KDM2B: variants seen among roughly 807,000 people sequenced by gnomAD.
The protein encoded by KDM2B is lysine demethylase 2B.
Under a neutral mutation model 150.0 loss-of-function variants are expected in KDM2B, and 26 were observed. That is an observed-to-expected ratio of 0.17 (90% CI 0.13 to 0.24). KDM2B has a LOEUF of 0.24. Ranked by LOEUF, KDM2B falls within the 10% of genes least tolerant of loss-of-function variation. KDM2B has a pLI of 1.00. For missense variants in KDM2B, 1,265 were observed against 1,816.9 expected, an observed-to-expected ratio of 0.70 and a Z score of 5.52; for synonymous variants, 734 against 729.5, an observed-to-expected ratio of 1.01 and a Z score of -0.10.
intron 9 of KDM2B, chr12:121,516,412 ATT>A: frequency 3.0e-6 from 3 of 1,008,590 alleles, no homozygotes; most frequent in Admixed American, 2.8e-5. Flanking sequence ...TTATTTATTT[ATT>A]TTTTTTTCCA....
intron 12 of KDM2B, among the ~76,000 whole-genome samples, chr12:121,483,253 A>T (rs1470114006): frequency 6.6e-6 from 1 of 151,866 alleles, no homozygotes; most frequent in Non-Finnish European, 1.5e-5. Context: ...ACAGTGCAAG[A>T]CTCCGTCTCA....
At chr12:121,443,591 T>C in intron 17 of KDM2B, 89 bp downstream of exon 17, 2 of 787,050 alleles carry the variant, frequency 2.5e-6, no homozygotes, top group East Asian at 4.9e-5. Context: ...GAGGCAGCAG[T>C]GGGGTGGAGG....
At position 121,578,963 on chromosome 12, in the gene KDM2B, CAG is replaced by C; in HGVS notation, c.127-19_127-18del. On this transcript the variant is annotated intron_variant, in intron 1 of 22. Coordinates refer to ENST00000377071, the MANE Select transcript of KDM2B (RefSeq NM_032590.5). ...AATCGGGCGCTGCGAGGACCCAAAC[CAG>C]AGAGCCCGGGACATTATTGTGGGGG... 6.2e-7 allele frequency: 1 copy of C among 1,609,322 alleles called. No homozygotes were observed. Among genetic ancestry groups the C allele is most frequent in the East Asian group, 2.2e-5 (1 of 44,708 alleles).
At chr12:121,548,036 G>A (rs1294589521) in intron 6 of KDM2B, among the ~76,000 whole-genome samples, 2 of 152,116 alleles carry the variant, frequency 1.3e-5, no homozygotes, top group African/African-American at 4.8e-5. Context: ...AACATGGAGG[G>A]GCTCAAAGGT....
intron 6 of KDM2B, among the ~76,000 whole-genome samples, chr12:121,540,331 C>A (rs1424052364): frequency 6.6e-6 from 1 of 152,090 alleles, no homozygotes; most frequent in Non-Finnish European, 1.5e-5. Flanking sequence ...ACATATTACA[C>A]AGGGATGATC....
At chr12:121,486,678 C>A (rs559217181) in intron 12 of KDM2B, among the ~76,000 whole-genome samples, 28 of 152,066 alleles carry the variant, frequency 1.8e-4, no homozygotes, top group African/African-American at 5.5e-4. Context: ...CCCAGCTACT[C>A]GGGAGGCTGA....
intron 8 of KDM2B, among the ~76,000 whole-genome samples, chr12:121,524,411 C>T (rs1314474515): frequency 6.6e-6 from 1 of 152,180 alleles, no homozygotes; most frequent in Non-Finnish European, 1.5e-5. Context: ...TGCCCTGACA[C>T]GTGAGGAAAG....
At chr12:121,443,422 G>A (rs941178549) in intron 17 of KDM2B, 10 of 583,942 alleles carry the variant, frequency 1.7e-5, no homozygotes, top group South Asian at 1.0e-4. Flanking sequence ...GTGACAGCAC[G>A]GCCCGTGGGT....
chr12:121,558,392 C>A (rs1890054566), intron 4 of KDM2B, among the ~76,000 whole-genome samples: 1 of 151,836 alleles, frequency 6.6e-6, no homozygotes, highest in South Asian at 2.1e-4. Flanking sequence ...AGCCCTGGGA[C>A]AGCACGGCTC....
intron 13 of KDM2B, among the ~76,000 whole-genome samples, chr12:121,451,853 T>C (rs1178509264): frequency 1.3e-5 from 2 of 151,738 alleles, no homozygotes; most frequent in Admixed American, 1.3e-4. Flanking sequence ...CAGGGGTTGT[T>C]GTAAGCCAAG....
At position 121,430,018 on chromosome 12, in the gene KDM2B, T is replaced by G. The variant is rs782364200; in HGVS notation, c.*270A>C. 1 of 1,048,052 alleles carries G rather than the reference T, an allele frequency of 9.5e-7. No homozygotes were observed. Among genetic ancestry groups the G allele is most frequent in the East Asian group, 2.4e-5 (1 of 42,288 alleles). 64.9% of individuals were successfully genotyped at this position (1,048,052 alleles called of 1,614,324 possible). A position where few individuals can be genotyped will look rare whatever the true frequency, so the allele number is the denominator to read the frequency against. ...ATGAGAATTTCTCCGAAGTCCACCC[T>G]CCTCTCCGACAGGAATGTCTTCTTG... On this transcript the variant is annotated 3_prime_UTR_variant, in exon 23 of 23. Transcript: ENST00000377071. This position sits in a 1 kb window ranked among gnomAD's most constrained non-coding sequence, Gnocchi z 4.4.
intron 4 of KDM2B, among the ~76,000 whole-genome samples, chr12:121,561,716 G>C (rs1890351578): frequency 6.6e-6 from 1 of 152,148 alleles, no homozygotes; most frequent in African/African-American, 2.4e-5. Flanking sequence ...ATCACTGAAA[G>C]TCAAACCTAC....
intron 17 of KDM2B, 151 bp downstream of exon 17, chr12:121,443,504 GGCACAGACAGCTTCCCAGGCCCCAA>G: frequency 1.6e-6 from 1 of 617,336 alleles, no homozygotes; most frequent in Non-Finnish European, 2.9e-6. Flanking sequence ...AGAGGCTCTA[GGCACAGACAGCTTCCCAGGCCCCAA>G]GCCAGAACCA....
chr12:121,455,956 A>T (rs1332095009), intron 12 of KDM2B, among the ~76,000 whole-genome samples: 1 of 152,244 alleles, frequency 6.6e-6, no homozygotes, highest in African/African-American at 2.4e-5. Flanking sequence ...AGCCAAGGCC[A>T]GGCAGGCAGC....
At position 121,513,680 on chromosome 12, in the gene KDM2B, G is replaced by A. The variant is rs1555304430; in HGVS notation, c.1048-278C>T. Among the ~76,000 whole-genome samples the A allele has an allele frequency of 6.6e-6, 1 of 152,138 alleles. No individual in the cohort carries two copies. The highest frequency in any genetic ancestry group is 2.4e-5 in the African/African-American group (1 of 41,428). On this transcript the variant is annotated intron_variant, in intron 9 of 22. Transcript: ENST00000377071. The surrounding 1 kb of genome is among the most constrained non-coding windows in gnomAD (Gnocchi z 5.0). ...GATGGGGGCCACTTGATGCTCCCGT[G>A]AGATGCAGAAAAACAGAATTCTCCC...
chr12:121,559,369 G>A (rs1189658627), intron 4 of KDM2B, among the ~76,000 whole-genome samples: 3 of 152,144 alleles, frequency 2.0e-5, no homozygotes, highest in East Asian at 1.9e-4. Context: ...AGTGGTGGGA[G>A]GAGGAAGGAA....
At chr12:121,446,546 G>A (rs79580290) in intron 13 of KDM2B, among the ~76,000 whole-genome samples, 2,151 of 152,328 alleles carry the variant, frequency 0.014, 43 homozygotes, top group East Asian at 0.12. Context: ...CAGGTGACGC[G>A]TACCAAAGGA....
chr12:121,446,976 G>C (rs182004347), intron 13 of KDM2B, among the ~76,000 whole-genome samples: 16 of 152,218 alleles, frequency 1.1e-4, no homozygotes, highest in African/African-American at 3.4e-4. Flanking sequence ...CTACTCAAAG[G>C]TCAAGACAGG....
rs540655449 is a variant in KDM2B at position 121,549,732 on chromosome 12, C to A, written c.398-94G>T. The stretch of plus-strand genomic sequence containing the variant: ...TCACTAAACAAAAGCTGCTCCTCCA[C>A]GTTTCCCCACAGTCCTCACCCCTCT... On this transcript the variant is annotated intron_variant, in intron 4 of 22. Transcript: ENST00000377071. This position sits in a 1 kb window ranked among gnomAD's most constrained non-coding sequence, Gnocchi z 4.4. The A allele has an allele frequency of 8.6e-6, 10 of 1,161,376 alleles. No individual in the cohort carries two copies. In the African/African-American group the frequency reaches 1.5e-4, roughly 18 times the overall value. 71.9% of individuals were successfully genotyped at this position (1,161,376 alleles called of 1,614,324 possible). A position where few individuals can be genotyped will look rare whatever the true frequency, so the allele number is the denominator to read the frequency against.
Sources: gnomAD v4.1 joint callset for allele counts (sites outside exome capture counted in the v4.1 genomes callset) on GRCh38, gnomAD v4.1.1 for gene constraint, Gnocchi (gnomAD v3.1) non-coding constraint, MANE v1.5 for transcripts, NCBI Gene and HGNC (gene_info 2026-07-23, HGNC 2026-07-21) for gene names.